Variants in DMD observed in about 807,000 individuals in gnomAD.
DMD encodes the protein dystrophin, also known as mutant dystrophin.
Under a neutral mutation model 330.1 loss-of-function variants are expected in DMD, and 63 were observed. That is an observed-to-expected ratio of 0.19 (90% CI 0.16 to 0.24). DMD has a LOEUF of 0.24. Among genes scored for constraint, DMD ranks in the 10% least tolerant of loss-of-function variants. The pLI is 1.00. For missense variants in DMD, 3,344 were observed against 2,684.1 expected, an observed-to-expected ratio of 1.25 and a Z score of -5.43; for synonymous variants, 1,223 against 959.8, an observed-to-expected ratio of 1.27 and a Z score of -5.07.
At chrX:31,529,729 G>A (rs1727411795) in intron 55 of DMD, among the ~76,000 whole-genome samples, 1 of 111,965 alleles carries the variant, frequency 8.9e-6, no homozygotes, top group African/African-American at 3.3e-5. Context: ...ACCGTGGGGA[G>A]TAAACACCTT....
At chrX:31,347,016 AAAAAAAAAAAAAAAAAAAAAG>A (rs1364371357) in intron 61 of DMD, among the ~76,000 whole-genome samples, 4 of 79,083 alleles carry the variant, frequency 5.1e-5, no homozygotes, top group South Asian at 5.8e-4. Flanking sequence ...AAAAAAAAAA[AAAAAAAAAAAAAAAAAAAAAG>A]GAAGGATGCA....
At chrX:31,230,182 C>G (rs978430372) in intron 63 of DMD, among the ~76,000 whole-genome samples, 2 of 111,911 alleles carry the variant, frequency 1.8e-5, no homozygotes, top group African/African-American at 3.2e-5. Context: ...TAGAGCTTTA[C>G]TTAAATGGGG....
intron 44 of DMD, among the ~76,000 whole-genome samples, chrX:32,191,448 G>A (rs1405402900): frequency 2.7e-5 from 3 of 111,916 alleles, no homozygotes; most frequent in Non-Finnish European, 5.6e-5. Flanking sequence ...TTCATTACAT[G>A]AAGGAACAGC....
At chrX:31,175,525 A>G (rs1035079269) in intron 71 of DMD, among the ~76,000 whole-genome samples, 6 of 111,157 alleles carry the variant, frequency 5.4e-5, no homozygotes, top group Non-Finnish European at 9.5e-5. Context: ...CATTTATTAA[A>G]CCAGAAAATG....
chrX:31,840,923 G>A (rs892053589), intron 48 of DMD, among the ~76,000 whole-genome samples: 4 of 110,225 alleles, frequency 3.6e-5, no homozygotes, highest in Non-Finnish European at 7.6e-5. Flanking sequence ...GTTAATAACC[G>A]TACTATGGCC....
At chrX:32,658,879 A>C (rs1347840582) in intron 9 of DMD, among the ~76,000 whole-genome samples, 5 of 112,196 alleles carry the variant, frequency 4.5e-5, no homozygotes, top group Non-Finnish European at 7.5e-5. Flanking sequence ...TGGAATTTAT[A>C]GGTAGTGTGT....
At chrX:31,134,236 A>G (rs1408436444) in intron 76 of DMD, 42 bp from the exon 77 acceptor site, 1 of 1,068,812 alleles carries the variant, frequency 9.4e-7, no homozygotes, top group East Asian at 3.0e-5. Flanking sequence ...TTACATTTAT[A>G]GAAAACAGAT....
intron 53 of DMD, among the ~76,000 whole-genome samples, chrX:31,678,628 G>C (rs1309627481): frequency 9.0e-6 from 1 of 111,396 alleles, no homozygotes; most frequent in Non-Finnish European, 1.9e-5. Flanking sequence ...AGCTGGGCTG[G>C]AGGTAAGAGA....
chrX:32,860,356 C>T (rs1021525298), intron 2 of DMD, among the ~76,000 whole-genome samples: 1 of 111,883 alleles, frequency 8.9e-6, no homozygotes, highest in Non-Finnish European at 1.9e-5. Context: ...TTAGCATGAC[C>T]TTCTGATTAC....
rs770003610 is a variant in DMD at position 33,243,622 on chromosome X, C to A, written c.7+95637G>T. 4.5e-5 allele frequency among the ~76,000 whole-genome samples: 5 copies of A among 112,087 alleles called. No homozygotes were observed. In the South Asian group the frequency reaches 1.8e-3, roughly 41 times the overall value. On this transcript the variant is annotated intron_variant, in intron 1 of 17. Transcript: ENST00000288447. ...CATATGTTTACTGCAGCACTATTCA[C>A]AATAGCAAATATATAGAATTTACTT...
intron 2 of DMD, among the ~76,000 whole-genome samples, chrX:32,899,630 C>T (rs111558532): frequency 0.015 from 1,474 of 99,975 alleles, 26 homozygotes; most frequent in African/African-American, 0.053. Flanking sequence ...GCCGAGATCG[C>T]GTCACTGCAC....
intron 52 of DMD, among the ~76,000 whole-genome samples, chrX:31,693,692 GA>G (rs1297809385): frequency 3.6e-5 from 4 of 111,397 alleles, no homozygotes; most frequent in Non-Finnish European, 7.6e-5. Flanking sequence ...ATAATAGCAT[GA>G]AAAAATATTT....
intron 47 of DMD, among the ~76,000 whole-genome samples, chrX:31,885,611 C>CAAA (rs762289533): frequency 3.4e-4 from 18 of 52,329 alleles, no homozygotes; most frequent in Non-Finnish European, 4.0e-4. Context: ...CTCCGTCTCA[C>CAAA]AAAAAAAAAA....
intron 2 of DMD, among the ~76,000 whole-genome samples, chrX:33,008,815 C>CGT (rs1569548682): frequency 3.9e-4 from 14 of 36,252 alleles, no homozygotes; most frequent in Admixed American, 1.0e-3. Flanking sequence ...TATATATACA[C>CGT]ATAAATGTAT....
intron 45 of DMD, among the ~76,000 whole-genome samples, chrX:31,935,432 C>A (rs1038904171): frequency 1.8e-5 from 2 of 111,584 alleles, no homozygotes; most frequent in Non-Finnish European, 3.8e-5. Context: ...GGAACAGCAC[C>A]ATTTCCCCTC....
intron 1 of DMD, among the ~76,000 whole-genome samples, chrX:33,033,554 C>CAAAAGAAAAAAAAAA (rs2094151420): frequency 1.3e-5 from 1 of 74,534 alleles, no homozygotes; most frequent in African/African-American, 5.6e-5. Flanking sequence ...ACTAAAAATA[C>CAAAAGAAAAAAAAAA]AAAAAAAAAA....
intron 47 of DMD, among the ~76,000 whole-genome samples, chrX:31,923,676 C>T (rs772347018): frequency 9.7e-6 from 1 of 103,114 alleles, no homozygotes. Flanking sequence ...TGGCTCACTG[C>T]AACCTCCTAC....
intron 1 of DMD, among the ~76,000 whole-genome samples, chrX:33,130,859 A>T (rs1401590730): frequency 1.8e-5 from 2 of 111,734 alleles, no homozygotes; most frequent in Admixed American, 1.9e-4. Context: ...CCGGGACTTC[A>T]TATTTAATGA....
At chrX:31,927,673 A>G (rs1463571505) in intron 47 of DMD, among the ~76,000 whole-genome samples, 6 of 111,377 alleles carry the variant, frequency 5.4e-5, no homozygotes, top group African/African-American at 2.0e-4. Context: ...ACCTGCTTGA[A>G]ATAGAGACAC....
Sources: gnomAD v4.1 joint callset for allele counts (sites outside exome capture counted in the v4.1 genomes callset) on GRCh38, gnomAD v4.1.1 for gene constraint, MANE v1.5 for transcripts, NCBI Gene and HGNC (gene_info 2026-07-23, HGNC 2026-07-21) for gene names.